CCDC28B: variants seen among roughly 807,000 people sequenced by gnomAD.
The protein encoded by CCDC28B is coiled-coil domain containing 28B.
Under a neutral mutation model 18.7 loss-of-function variants are expected in CCDC28B, and 17 were observed. The observed-to-expected ratio is 0.91, with a 90% CI of 0.62 to 1.36. The LOEUF (loss-of-function observed/expected upper bound fraction) is 1.36, where lower values mean the gene tolerates loss of function less well. CCDC28B is among the 40% of genes most tolerant of loss of function. CCDC28B has a pLI of 0.00. For missense variants in CCDC28B, 213 were observed against 251.7 expected (o/e 0.85, Z 1.04); for synonymous variants, 116 against 105.1 (o/e 1.10, Z -0.64).
In CCDC28B at chr1:32,204,185, G is replaced by T. The variant is rs370036102; in HGVS notation, c.332-1G>T. The T allele has an allele frequency of 1.2e-6, 2 of 1,613,956 alleles. No individual in the cohort carries two copies. Among genetic ancestry groups the T allele is most frequent in the Non-Finnish European group, 8.5e-7 (1 of 1,179,984 alleles). ...GGGTTCAGACAGGGGCTTCGTTCCA[G>T]GGAAGGAATGCTCCTTTGAGCAGCT... On this transcript the variant is annotated splice_acceptor_variant, in intron 3 of 5. Coordinates refer to ENST00000373602, the MANE Select transcript of CCDC28B (RefSeq NM_024296.5). LOFTEE classifies it high-confidence loss of function.
At chr1:32,202,446 C>T (rs1034935810) in intron 2 of CCDC28B, 1 of 417,728 alleles carries the variant, frequency 2.4e-6, no homozygotes, top group Non-Finnish European at 4.6e-6. Flanking sequence ...GGTTTGGGGG[C>T]CCTGGAGTAT....
intron 1 of CCDC28B, among the ~76,000 whole-genome samples, chr1:32,201,121 G>A (rs1643139058): frequency 6.8e-6 from 1 of 147,946 alleles, no homozygotes; most frequent in Non-Finnish European, 1.5e-5. Context: ...CAGCCGACCG[G>A]AGGCTTGGGG....
At chr1:32,199,235 A>G (rs1010566652), upstream of CCDC28B, among the ~76,000 whole-genome samples, 3 of 152,312 alleles carry the variant, frequency 2.0e-5, no homozygotes, top group East Asian at 5.8e-4. Context: ...CCTTCCCTCC[A>G]GGCCTCCACA....
chr1:32,202,037 C>T lies in CCDC28B; in HGVS notation c.102C>T (p.Ser34=), dbSNP rs751046475. The stretch of plus-strand genomic sequence containing the variant: ...GGGTCCCTGTGCCTACCAGCCACAG[C>T]GGCTCCTTGGCCCTAGGACTTCCTC... The part of the protein sequence containing the change: ...LRRVPVPTSH[S]GSLALGLPHL... The change falls in exon 2 of 6, where the codon AGC becomes AGT. Residue 34 remains serine (S), a synonymous_variant. Coordinates refer to ENST00000373602, the MANE Select transcript of CCDC28B (RefSeq NM_024296.5). 8 of 1,613,826 alleles carry T rather than the reference C, an allele frequency of 5.0e-6. No homozygotes were observed. The highest frequency in any genetic ancestry group is 3.3e-5 in the South Asian group (3 of 91,078).
In CCDC28B at chr1:32,205,004, C is replaced by T; in HGVS notation, c.549-190C>T. On this transcript the variant is annotated intron_variant, in intron 5 of 5. Coordinates refer to ENST00000373602, the MANE Select transcript of CCDC28B (RefSeq NM_024296.5). The surrounding 1 kb of genome is among the most constrained non-coding windows in gnomAD (Gnocchi z 5.6). Reference sequence around the variant, plus strand: ...CGCGCACACACCCCAGTGTGTCTGACCTGCACGATCTGGATGAAGAGAGAG... The same window carrying T: ...CGCGCACACACCCCAGTGTGTCTGATCTGCACGATCTGGATGAAGAGAGAG... 3 of 1,184,800 alleles carry T rather than the reference C, an allele frequency of 2.5e-6. No homozygotes were observed. The highest frequency in any genetic ancestry group is 1.5e-5 in the African/African-American group (1 of 64,868). The allele number at this position is 1,184,800 out of a possible 1,614,324, so 73.4% of individuals were successfully genotyped here. A position where few individuals can be genotyped will look rare whatever the true frequency, so the allele number is the denominator to read the frequency against.
upstream of CCDC28B, chr1:32,197,029 C>T (rs557389746): frequency 6.6e-6 from 1 of 152,422 alleles, no homozygotes; most frequent in East Asian, 1.9e-4. The surrounding 1 kb of genome is among the most constrained non-coding windows in gnomAD (Gnocchi z 4.6). Context: ...ATACTGCTGT[C>T]CTGTGAAGTG....
chr1:32,199,371 G>A (rs1387177640), upstream of CCDC28B, among the ~76,000 whole-genome samples: 1 of 152,098 alleles, frequency 6.6e-6, no homozygotes, highest in Non-Finnish European at 1.5e-5. Flanking sequence ...GAGGGTGTGG[G>A]GGGGGTGCCG....
At chr1:32,196,752 C>T (rs1643034478), upstream of CCDC28B, 1 of 152,248 alleles carries the variant, frequency 6.6e-6, no homozygotes, top group Non-Finnish European at 1.5e-5. Flanking sequence ...CTGCAGGTCC[C>T]TTCATCTTCC....
At position 32,202,173 on chromosome 1, in the gene CCDC28B, G is replaced by C. The variant is rs773534370; in HGVS notation, c.164+74G>C. Reference sequence around the variant, plus strand: ...CACTGTAGAGAGGAAGGCAAGGGGGGCCTCCGCCTTTAGTTCCTAAGCAAT... The same window carrying C: ...CACTGTAGAGAGGAAGGCAAGGGGGCCCTCCGCCTTTAGTTCCTAAGCAAT... On this transcript the variant is annotated intron_variant, in intron 2 of 5. Coordinates refer to ENST00000373602, the MANE Select transcript of CCDC28B (RefSeq NM_024296.5). 3 of 1,573,524 alleles carry C rather than the reference G, an allele frequency of 1.9e-6. No individual in the cohort carries two copies. In the Admixed American group the frequency reaches 5.1e-5, roughly 27 times the overall value.
upstream of CCDC28B, chr1:32,197,567 G>C (rs1441142157): frequency 1.3e-5 from 2 of 152,296 alleles, no homozygotes; most frequent in African/African-American, 4.8e-5. The surrounding 1 kb of genome is among the most constrained non-coding windows in gnomAD (Gnocchi z 4.6). Context: ...TCCTGGGCCA[G>C]ATGCAGGGGA....
chr1:32,198,065 G>A (rs1323214039), upstream of CCDC28B: 1 of 152,296 alleles, frequency 6.6e-6, no homozygotes, highest in East Asian at 1.9e-4. Context: ...CACAGAGGTG[G>A]TCACCCCAGG....
upstream of CCDC28B, among the ~76,000 whole-genome samples, chr1:32,198,650 A>G (rs1310476442): frequency 2.6e-5 from 4 of 152,340 alleles, no homozygotes; most frequent in East Asian, 5.8e-4. Flanking sequence ...CCCTTCAGCA[A>G]GGTGAGGGGG....
upstream of CCDC28B, chr1:32,197,568 A>T (rs550402469): frequency 1.3e-5 from 2 of 152,412 alleles, no homozygotes; most frequent in South Asian, 4.1e-4. This position sits in a 1 kb window ranked among gnomAD's most constrained non-coding sequence, Gnocchi z 4.6. Flanking sequence ...CCTGGGCCAG[A>T]TGCAGGGGAG....
Position 32,203,880 on chromosome 1 carries a change from G to T in CCDC28B, c.166G>T (p.Val56Leu). Reference sequence around the variant, plus strand: ...CATGGTCATGTCCACCCCACCCAGAGTAGGCAAAGAGAAGTGCCGCCCAGT... The same window carrying T: ...CATGGTCATGTCCACCCCACCCAGATTAGGCAAAGAGAAGTGCCGCCCAGT... ...SPKQRAKFKRVGKEKCRPVLA... is the reference protein window; with the variant it reads ...SPKQRAKFKRLGKEKCRPVLA... Residue 56 changes from valine to leucine, a missense_variant and splice_region_variant, in exon 3 of 6, where the codon GTA becomes TTA. Coordinates refer to ENST00000373602, the MANE Select transcript of CCDC28B (RefSeq NM_024296.5). 6.7e-7 allele frequency: 1 copy of T among 1,503,360 alleles called. No individual in the cohort carries two copies. The highest frequency in any genetic ancestry group is 2.4e-5 in the Admixed American group (1 of 42,148). 93.1% of individuals were successfully genotyped at this position (1,503,360 alleles called of 1,614,324 possible).
At chr1:32,203,269 C>T (rs1643195514) in intron 2 of CCDC28B, 1 of 151,718 alleles carries the variant, frequency 6.6e-6, no homozygotes, top group Non-Finnish European at 1.5e-5. Flanking sequence ...CCAGCCTGGC[C>T]AACACGGTGA....
At chr1:32,196,943 C>T (rs1643038974), upstream of CCDC28B, 1 of 152,262 alleles carries the variant, frequency 6.6e-6, no homozygotes, top group Non-Finnish European at 1.5e-5. Context: ...GCCTGCTATT[C>T]TCTGGTGTAT....
Position 32,202,108 on chromosome 1 carries a change from A to C in CCDC28B, c.164+9A>C. On this transcript the variant is annotated intron_variant, in intron 2 of 5. Transcript: ENST00000373602. The stretch of plus-strand genomic sequence containing the variant: ...CGGGCCAAGTTCAAGAGGTGGGTAC[A>C]GAAGGGAAGGAAAGGAGGAGGGACC... 6.2e-7 allele frequency: 1 copy of C among 1,612,068 alleles called. No individual in the cohort carries two copies.
rs1327528241 is a variant in CCDC28B at position 32,204,593 on chromosome 1, G to T, written c.526-5G>T. 7.0e-6 allele frequency: 11 copies of T among 1,562,206 alleles called. No individual in the cohort carries two copies. In the Admixed American group the frequency reaches 7.9e-5, roughly 11 times the overall value. ...AGAAGCCTCCCTTTTTCTCTTTGTTGGCAGCTGGAAGACCTCAGTAATTCT... is the reference window on the plus strand; with the variant it reads ...AGAAGCCTCCCTTTTTCTCTTTGTTTGCAGCTGGAAGACCTCAGTAATTCT... On this transcript the variant is annotated splice_polypyrimidine_tract_variant and splice_region_variant and intron_variant, in intron 4 of 5. Transcript: ENST00000373602.
At chr1:32,204,106 G>A in intron 3 of CCDC28B, 61 bp downstream of exon 3, 1 of 1,594,184 alleles carries the variant, frequency 6.3e-7, no homozygotes, top group Non-Finnish European at 8.6e-7. Flanking sequence ...CCAGTCCATG[G>A]GGCATGGCTG....
Sources: gnomAD v4.1 joint callset for allele counts (sites outside exome capture counted in the v4.1 genomes callset) on GRCh38, gnomAD v4.1.1 for gene constraint, Gnocchi (gnomAD v3.1) non-coding constraint, MANE v1.5 for transcripts, NCBI Gene and HGNC (gene_info 2026-07-23, HGNC 2026-07-21) for gene names.